Variants in CUBN observed in about 807,000 individuals in gnomAD.
CUBN encodes cubilin.
Under a neutral mutation model 405.3 loss-of-function variants are expected in CUBN, and 282 were observed. That is an observed-to-expected ratio of 0.70 (90% CI 0.63 to 0.77). CUBN has a LOEUF of 0.77. Ranked by LOEUF, CUBN falls within the 30% of genes least tolerant of loss-of-function variation. CUBN has a pLI of 0.00. For missense variants in CUBN, 4,514 were observed against 4,475.2 expected, an observed-to-expected ratio of 1.01 and a Z score of -0.25; for synonymous variants, 1,684 against 1,617.0, an observed-to-expected ratio of 1.04 and a Z score of -0.99.
chr10:16,999,576 A>G (rs1833823791), intron 28 of CUBN, among the ~76,000 whole-genome samples: 1 of 152,190 alleles, frequency 6.6e-6, no homozygotes, highest in African/African-American at 2.4e-5. Context: ...AGTTTAGTAT[A>G]AAAAGGTACA....
At position 17,114,143 on chromosome 10, in the gene CUBN, T is replaced by C. The variant is rs774930397; in HGVS notation, c.767A>G (p.Asn256Ser). The C allele has an allele frequency of 1.9e-6, 3 of 1,613,792 alleles. No individual in the cohort carries two copies. The highest frequency in any genetic ancestry group is 2.2e-5 in the South Asian group (2 of 90,946). Reference protein sequence around the residue: ...VCDAGWMFSPNSPACTLDRDE... With the variant: ...VCDAGWMFSPSSPACTLDRDE... ...TCTGTCCAGCGTGCAGGCAGGGCTG[T>C]TGGGTGAAAACATCCACCCAGCATC... The change falls in exon 8 of 67, where the codon AAC becomes AGC. Residue 256 changes from asparagine (N) to serine (S), a missense_variant. Physicochemically the swap from Asn to Ser is conservative, Grantham distance 46. Coordinates refer to ENST00000377833, the MANE Select transcript of CUBN (RefSeq NM_001081.4).
At chr10:17,106,630 T>C (rs959635421) in intron 10 of CUBN, among the ~76,000 whole-genome samples, 2 of 146,844 alleles carry the variant, frequency 1.4e-5, no homozygotes, top group African/African-American at 2.5e-5. Context: ...ATATAGGTAC[T>C]CTCTTATAAT....
At chr10:17,101,683 A>G (rs1836496747) in intron 13 of CUBN, among the ~76,000 whole-genome samples, 1 of 152,166 alleles carries the variant, frequency 6.6e-6, no homozygotes, top group African/African-American at 2.4e-5. Context: ...GTATAAGAGC[A>G]CTAAAAACCT....
intron 64 of CUBN, among the ~76,000 whole-genome samples, chr10:16,833,447 T>A (rs961766049): frequency 4.6e-5 from 7 of 152,276 alleles, no homozygotes; most frequent in Non-Finnish European, 1.0e-4. Context: ...AGGTTATTGA[T>A]TAATAAAGGA....
chr10:17,109,752 C>T lies in CUBN; in HGVS notation c.1016-17G>A. The T allele has an allele frequency of 6.3e-7, 1 of 1,599,384 alleles. No homozygotes were observed. The highest frequency in any genetic ancestry group is 2.2e-5 in the East Asian group (1 of 44,786). ...CCTGGTACCCTGATGAGAACAAGAG[C>T]CAGGTCATAAGAAACAATGTCAAGA... On this transcript the variant is annotated splice_polypyrimidine_tract_variant and intron_variant, in intron 9 of 66. Transcript: ENST00000377833.
chr10:16,941,179 G>A (rs921361010), intron 36 of CUBN, among the ~76,000 whole-genome samples: 1 of 152,140 alleles, frequency 6.6e-6, no homozygotes, highest in Non-Finnish European at 1.5e-5. Flanking sequence ...GAATGGAATA[G>A]GAAAGAATTT....
chr10:17,051,619 T>C (rs1008907707), intron 22 of CUBN, among the ~76,000 whole-genome samples: 1 of 151,914 alleles, frequency 6.6e-6, no homozygotes, highest in Non-Finnish European at 1.5e-5. Flanking sequence ...AAAGGAACCA[T>C]GAAAATTATA....
intron 15 of CUBN, among the ~76,000 whole-genome samples, chr10:17,086,984 T>C (rs1372996821): frequency 6.6e-6 from 1 of 152,240 alleles, no homozygotes; most frequent in Non-Finnish European, 1.5e-5. Flanking sequence ...AACATTTAAA[T>C]GACCATTTTG....
intron 62 of CUBN, among the ~76,000 whole-genome samples, chr10:16,838,616 C>T (rs1160434850): frequency 6.6e-6 from 1 of 152,306 alleles, no homozygotes; most frequent in Middle Eastern, 3.4e-3. Flanking sequence ...GAAATTCAGA[C>T]TCAGCCTTTT....
intron 36 of CUBN, among the ~76,000 whole-genome samples, chr10:16,940,465 T>C (rs1032851302): frequency 6.6e-6 from 1 of 152,194 alleles, no homozygotes; most frequent in African/African-American, 2.4e-5. Flanking sequence ...GTTTTCTTCC[T>C]AGTGGGCAAA....
intron 48 of CUBN, among the ~76,000 whole-genome samples, chr10:16,908,923 G>T (rs368035474): frequency 1.6e-3 from 238 of 144,420 alleles, no homozygotes; most frequent in Non-Finnish European, 3.2e-3. Context: ...TCGCCCAGGC[G>T]GGACTGCGGA....
At chr10:16,911,240 C>G (rs1841722505) in intron 48 of CUBN, among the ~76,000 whole-genome samples, 2 of 152,224 alleles carry the variant, frequency 1.3e-5, no homozygotes, top group South Asian at 2.1e-4. Context: ...AAAACAAAAG[C>G]AAATGTTGCC....
At chr10:17,084,485 A>C in intron 16 of CUBN, 24 bp from the exon 17 acceptor site, 1 of 1,606,214 alleles carries the variant, frequency 6.2e-7, no homozygotes, top group Non-Finnish European at 8.5e-7. Context: ...AGAGACGAAC[A>C]GGTCATGGCA....
chr10:17,018,159 G>A (rs1034205603), intron 28 of CUBN, among the ~76,000 whole-genome samples: 6 of 151,992 alleles, frequency 3.9e-5, no homozygotes, highest in South Asian at 2.1e-4. Flanking sequence ...TTAGTCTGGC[G>A]GCCATGCTAG....
intron 7 of CUBN, 151 bp from the exon 8 acceptor site, chr10:17,114,340 T>A (rs1836839367): frequency 3.7e-6 from 3 of 800,190 alleles, no homozygotes; most frequent in South Asian, 3.0e-5. Context: ...CCCATATGAT[T>A]AAGCATTTAG....
At chr10:16,927,749 T>C (rs1380139054) in intron 41 of CUBN, among the ~76,000 whole-genome samples, 1 of 152,260 alleles carries the variant, frequency 6.6e-6, no homozygotes, top group Non-Finnish European at 1.5e-5. Flanking sequence ...AACCCTCAGA[T>C]GGCTGACTTC....
intron 17 of CUBN, among the ~76,000 whole-genome samples, chr10:17,083,800 T>C (rs1173658951): frequency 1.3e-5 from 2 of 152,206 alleles, no homozygotes. Flanking sequence ...TGACCAATAA[T>C]TTAGCATAAG....
At position 16,904,113 on chromosome 10, in the gene CUBN, C is replaced by G. The variant is rs1252726078; in HGVS notation, c.7915G>C (p.Asp2639His). The G allele has an allele frequency of 2.5e-6, 4 of 1,613,792 alleles. No individual in the cohort carries two copies. The highest frequency in any genetic ancestry group is 3.4e-6 in the Non-Finnish European group (4 of 1,179,732). ...CTCCACATCAGGGGCCCATCAGCAT[C>G]ACCTGAACAAAATAATATACCAAGT... ...QFDVLEFRVG[D>H]ADGPLMWRLC... is the part of the protein sequence containing the mutation. The change falls in exon 51 of 67, where the codon GAT becomes CAT. Residue 2639 changes from aspartate to histidine, a missense_variant and splice_region_variant. By Grantham distance (81) the Asp-to-His change is moderately conservative. This residue lies in a region of CUBN where 25 missense variants were observed against 48.5 expected (regional missense o/e 0.52). Coordinates refer to ENST00000377833, the MANE Select transcript of CUBN (RefSeq NM_001081.4).
chr10:16,966,940 C>T (rs909862453), intron 31 of CUBN, among the ~76,000 whole-genome samples: 5 of 152,036 alleles, frequency 3.3e-5, no homozygotes, highest in African/African-American at 4.8e-5. Flanking sequence ...TATAATATGG[C>T]GGTATACCTG....
Sources: allele counts gnomAD v4.1 joint callset (sites outside exome capture counted in the v4.1 genomes callset), GRCh38; gene constraint gnomAD v4.1.1; regional missense constraint gnomAD v4.1.1; transcripts MANE v1.5; gene names NCBI Gene and HGNC (gene_info 2026-07-23, HGNC 2026-07-21).